The following ATXN3 variants were observed in gnomAD, a reference collection of about 807,000 sequenced individuals.
The protein encoded by ATXN3 is ataxin 3, also known as ataxin-3.
ATXN3 carries 28 observed loss-of-function variants against 58.2 expected under a neutral mutation model. The ratio of observed to expected loss-of-function variants is 0.48; its 90% CI spans 0.36 to 0.66. ATXN3 has a LOEUF of 0.66. Among genes scored for constraint, ATXN3 ranks in the 30% least tolerant of loss-of-function variants. The pLI is 0.00. For synonymous variants in ATXN3, 113 were observed against 138.5 expected, an observed-to-expected ratio of 0.82 and a Z score of 1.29; for missense variants, 321 against 422.1, an observed-to-expected ratio of 0.76 and a Z score of 2.10.
At position 92,096,655 on chromosome 14, in the gene ATXN3, G is replaced by A. The variant is rs761777507; in HGVS notation, c.189+19C>T. On this transcript the variant is annotated intron_variant, in intron 2 of 10. Transcript: ENST00000644486. The stretch of plus-strand genomic sequence containing the variant: ...AAAAAAAAAAAAGAAATGTGACTTA[G>A]TGAGTTTAAAATCAGTACCTGTAAA... The A allele has an allele frequency of 2.0e-6, 3 of 1,510,196 alleles. No homozygotes were observed. The highest frequency in any genetic ancestry group is 2.8e-5 in the African/African-American group (2 of 70,496). 93.5% of individuals were successfully genotyped at this position (1,510,196 alleles called of 1,614,324 possible). A position where few individuals can be genotyped will look rare whatever the true frequency, so the allele number is the denominator to read the frequency against.
chr14:92,094,219 C>A (rs1595910174), intron 3 of ATXN3, among the ~76,000 whole-genome samples: 1 of 152,076 alleles, frequency 6.6e-6, no homozygotes, highest in Non-Finnish European at 1.5e-5. Flanking sequence ...GGATTACAGG[C>A]ATGAGCCACC....
intron 10 of ATXN3, among the ~76,000 whole-genome samples, chr14:92,066,479 T>C (rs1232236098): frequency 1.3e-5 from 2 of 152,236 alleles, no homozygotes; most frequent in Non-Finnish European, 2.9e-5. Context: ...CTTTTCTGTT[T>C]AGAGAAATTC....
chr14:92,097,956 C>G (rs1246396145), intron 1 of ATXN3, among the ~76,000 whole-genome samples: 1 of 152,044 alleles, frequency 6.6e-6, no homozygotes, highest in African/African-American at 2.4e-5. Context: ...ATTACATGAT[C>G]AAAAATTTAA....
chr14:92,083,892 A>G (rs1216725729), intron 6 of ATXN3, among the ~76,000 whole-genome samples: 1 of 152,188 alleles, frequency 6.6e-6, no homozygotes, highest in East Asian at 1.9e-4. Context: ...AGGCAGAAAT[A>G]AGAGTGTGGA....
intron 1 of ATXN3, among the ~76,000 whole-genome samples, chr14:92,099,596 C>T (rs946903032): frequency 1.1e-4 from 16 of 152,122 alleles, no homozygotes; most frequent in Non-Finnish European, 7.4e-5. Flanking sequence ...AGGCTGGCTG[C>T]GGTGGCTCAT....
rs1474720062 is a variant in ATXN3, at chr14:92,061,442, A to G, written c.*2878T>C. 1 of 152,232 alleles carries G rather than the reference A, an allele frequency of 6.6e-6. No homozygotes were observed. Among genetic ancestry groups the G allele is most frequent in the African/African-American group, 2.4e-5 (1 of 41,466 alleles). The allele number at this position is 152,232 out of a possible 1,614,324, so 9.4% of individuals were successfully genotyped here. On this transcript the variant is annotated 3_prime_UTR_variant, in exon 11 of 11. Coordinates refer to ENST00000644486, the MANE Select transcript of ATXN3 (RefSeq NM_004993.6). ...AACTATTCTGAATTTTAAAAACATA[A>G]ATTACTCATTAAATCCATGACATCT... is the stretch of plus-strand genomic sequence containing the variant.
intron 5 of ATXN3, among the ~76,000 whole-genome samples, chr14:92,089,639 T>G (rs959117364): frequency 1.3e-5 from 2 of 152,136 alleles, no homozygotes; most frequent in African/African-American, 2.4e-5. Flanking sequence ...CGCCCGGCCC[T>G]GTTAGATACT....
At chr14:92,095,825 C>T (rs1437984792) in intron 3 of ATXN3, among the ~76,000 whole-genome samples, 1 of 151,698 alleles carries the variant, frequency 6.6e-6, no homozygotes, top group Non-Finnish European at 1.5e-5. Context: ...GCCTGTAATC[C>T]CAGCTACTTG....
Position 92,083,200 on chromosome 14 carries a change from C to G in ATXN3, c.534G>C (p.Leu178=). Residue 178 remains leucine, a synonymous_variant, in exon 7 of 11, where the codon CTG becomes CTC. Transcript: ENST00000644486. ...GCATCTGTTGGACCCTAATCATCTG[C>G]AGGAGTTGGTCAGCTTCGCAATCTG... ...DLPDCEADQL[L]QMIRVQQMHR... 1 of 1,613,676 alleles carries G rather than the reference C, an allele frequency of 6.2e-7. No homozygotes were observed.
intron 4 of ATXN3, 119 bp downstream of exon 4, chr14:92,093,627 A>T: frequency 1.2e-6 from 1 of 812,820 alleles, no homozygotes; most frequent in East Asian, 2.7e-5. Context: ...GTCTGAGTGA[A>T]TGAAACAGGG....
chr14:92,102,156 T>G (rs1206273088), intron 1 of ATXN3, among the ~76,000 whole-genome samples: 1 of 149,934 alleles, frequency 6.7e-6, no homozygotes, highest in East Asian at 2.0e-4. Flanking sequence ...TGAAGAAAGT[T>G]CGTGCCACTG....
At chr14:92,089,018 A>T (rs1265459505) in intron 5 of ATXN3, among the ~76,000 whole-genome samples, 1 of 151,838 alleles carries the variant, frequency 6.6e-6, no homozygotes, top group Non-Finnish European at 1.5e-5. Context: ...TCACTATTAA[A>T]TACTTTTTTT....
intron 9 of ATXN3, 175 bp from the exon 10 acceptor site, chr14:92,071,228 G>A (rs1051430040): frequency 2.9e-6 from 3 of 1,019,638 alleles, no homozygotes; most frequent in African/African-American, 3.2e-5. Flanking sequence ...ATATGGAAGT[G>A]CTGATCTTAG....
Position 92,059,485 on chromosome 14 carries a change from C to T in ATXN3, c.*4835G>A, listed in dbSNP as rs1595435694. ...TTCTTAATTAGGGTCACATATATATCCATACTTAAGGACTCGATACAACAA... is the reference window on the plus strand; with the variant it reads ...TTCTTAATTAGGGTCACATATATATTCATACTTAAGGACTCGATACAACAA... On this transcript the variant is annotated 3_prime_UTR_variant, in exon 11 of 11. Coordinates refer to ENST00000644486, the MANE Select transcript of ATXN3 (RefSeq NM_004993.6). 1.3e-5 allele frequency: 2 copies of T among 152,082 alleles called. No individual in the cohort carries two copies. Among genetic ancestry groups the T allele is most frequent in the East Asian group, 3.9e-4 (2 of 5,186 alleles). The allele number at this position is 152,082 out of a possible 1,614,324, so 9.4% of individuals were successfully genotyped here. A position where few individuals can be genotyped will look rare whatever the true frequency, so the allele number is the denominator to read the frequency against.
chr14:92,077,917 G>C (rs1318924629), intron 9 of ATXN3, among the ~76,000 whole-genome samples: 1 of 151,692 alleles, frequency 6.6e-6, no homozygotes, highest in Non-Finnish European at 1.5e-5. Context: ...AAAGTGCTGG[G>C]ATTACAGACA....
At chr14:92,067,324 C>T (rs917885186) in intron 10 of ATXN3, among the ~76,000 whole-genome samples, 5 of 152,172 alleles carry the variant, frequency 3.3e-5, no homozygotes, top group Admixed American at 6.5e-5. Context: ...TGACTTTTGC[C>T]AAATTTGGGA....
chr14:92,083,501 T>C, intron 6 of ATXN3: 1 of 614,590 alleles, frequency 1.6e-6, no homozygotes, highest in South Asian at 1.5e-5. Flanking sequence ...TCTCATTGAG[T>C]GACTGTGAGA....
rs376316878 is a variant in ATXN3, at chr14:92,060,249, C to CATATATATAT, written c.*4061_*4070dup. 1.5e-5 allele frequency: 2 copies of CATATATATAT among 134,556 alleles called. No individual in the cohort carries two copies. The highest frequency in any genetic ancestry group is 5.8e-5 in the African/African-American group (2 of 34,726). The allele number at this position is 134,556 out of a possible 1,614,324, so 8.3% of individuals were successfully genotyped here. A position where few individuals can be genotyped will look rare whatever the true frequency, so the allele number is the denominator to read the frequency against. On this transcript the variant is annotated 3_prime_UTR_variant, in exon 11 of 11. Coordinates refer to ENST00000644486, the MANE Select transcript of ATXN3 (RefSeq NM_004993.6). ...ATATATATACATATATATATACACA[C>CATATATATAT]ATATATATATATATATATATATTTT...
chr14:92,091,432 T>C (rs565084148), intron 5 of ATXN3, among the ~76,000 whole-genome samples: 74 of 148,440 alleles, frequency 5.0e-4, no homozygotes, highest in African/African-American at 1.7e-3. Flanking sequence ...GCCTGGGCGA[T>C]AGAGCAAGAA....
Sources: gnomAD v4.1 joint callset for allele counts (sites outside exome capture counted in the v4.1 genomes callset) on GRCh38, gnomAD v4.1.1 for gene constraint, MANE v1.5 for transcripts, NCBI Gene and HGNC (gene_info 2026-07-23, HGNC 2026-07-21) for gene names.